VPS13D: variants seen among roughly 807,000 people sequenced by gnomAD.
VPS13D encodes the protein vacuolar protein sorting 13 homolog D.
VPS13D carries 187 observed loss-of-function variants against 461.9 expected under a neutral mutation model. The observed-to-expected ratio is 0.40, with a 90% CI of 0.36 to 0.46. The LOEUF (loss-of-function observed/expected upper bound fraction) is 0.46, where lower values mean the gene tolerates loss of function less well. Ranked by LOEUF, VPS13D falls within the 20% of genes least tolerant of loss-of-function variation. The probability of loss-of-function intolerance (pLI) is 0.60; values close to 1 mark genes in which losing one functional copy is unlikely to be tolerated. For synonymous variants in VPS13D, 1,951 were observed against 1,986.3 expected, an observed-to-expected ratio of 0.98 and a Z score of 0.47; for missense variants, 4,711 against 5,364.9, an observed-to-expected ratio of 0.88 and a Z score of 3.81.
chr1:12,230,608 G>A (rs1465387844), intron 1 of VPS13D, among the ~76,000 whole-genome samples: 1 of 152,078 alleles, frequency 6.6e-6, no homozygotes, highest in Non-Finnish European at 1.5e-5. Context: ...CAGTTCTCTA[G>A]AATGCCTTAG....
chr1:12,319,466 C>G (rs1642975674), intron 31 of VPS13D, 31 bp from the exon 32 acceptor site: 1 of 1,613,142 alleles, frequency 6.2e-7, no homozygotes, highest in Non-Finnish European at 8.5e-7. Context: ...CTTCCCAGCT[C>G]TGGCTTGATT....
chr1:12,320,732 T>G (rs1643013425), intron 32 of VPS13D, among the ~76,000 whole-genome samples: 1 of 152,204 alleles, frequency 6.6e-6, no homozygotes, highest in Admixed American at 6.5e-5. Context: ...TCAGGTACAA[T>G]TGGGTTTTGT....
chr1:12,504,840 C>T lies in VPS13D; in HGVS notation c.12795-2013C>T, dbSNP rs569596044. ...AGGATGGAAAGCACACTAGTCATGTCGGCCACTCTGGCCTGGGTGTGAGAG... is the reference window on the plus strand; with the variant it reads ...AGGATGGAAAGCACACTAGTCATGTTGGCCACTCTGGCCTGGGTGTGAGAG... On this transcript the variant is annotated intron_variant, in intron 68 of 69. Coordinates refer to ENST00000620676, the MANE Select transcript of VPS13D (RefSeq NM_015378.4). 3.9e-5 allele frequency among the ~76,000 whole-genome samples: 6 copies of T among 152,274 alleles called. No individual in the cohort carries two copies. The East Asian group carries it at 5.8e-4, about 15-fold the overall frequency.
At chr1:12,320,618 G>T (rs1226710042) in intron 32 of VPS13D, among the ~76,000 whole-genome samples, 1 of 152,190 alleles carries the variant, frequency 6.6e-6, no homozygotes, top group Admixed American at 6.5e-5. Context: ...GGATTTGCAT[G>T]CTGGTGTGAT....
chr1:12,415,013 G>A (rs1644776128), intron 63 of VPS13D, 74 bp from the exon 64 acceptor site: 1 of 1,540,394 alleles, frequency 6.5e-7, no homozygotes. Flanking sequence ...TAGCTTTAAT[G>A]GAATCTAGAA....
chr1:12,265,681 T>C (rs951534805), intron 13 of VPS13D, among the ~76,000 whole-genome samples: 9 of 152,184 alleles, frequency 5.9e-5, no homozygotes, highest in African/African-American at 1.9e-4. Context: ...AGGAAGTAAC[T>C]GCAAATGTGG....
Position 12,497,644 on chromosome 1 carries a change from A to G in VPS13D, c.12794+13A>G, listed in dbSNP as rs775836294. 16 of 1,608,800 alleles carry G rather than the reference A, an allele frequency of 9.9e-6. No individual in the cohort carries two copies. In the Admixed American group the frequency reaches 1.0e-4, roughly 10 times the overall value. On this transcript the variant is annotated intron_variant, in intron 68 of 69. Transcript: ENST00000620676. ...TACAGGACGAATTGTAAGTTAGAGC[A>G]TGGGAAACCAGCCCTGTGGGTCTAC...
chr1:12,435,453 C>A (rs193112208), intron 65 of VPS13D, among the ~76,000 whole-genome samples: 3 of 152,142 alleles, frequency 2.0e-5, no homozygotes, highest in Admixed American at 2.0e-4. Context: ...AGAGCAGGAC[C>A]CTGTCTGAAC....
chr1:12,478,863 C>T (rs1557464929), intron 67 of VPS13D: 9 of 455,920 alleles, frequency 2.0e-5, no homozygotes, highest in Admixed American at 7.0e-5. Flanking sequence ...GAGGCCGCAT[C>T]GGTGGCAGAG....
chr1:12,317,253 T>G (rs1444625632), intron 30 of VPS13D, among the ~76,000 whole-genome samples: 19 of 152,178 alleles, frequency 1.2e-4, no homozygotes, highest in Non-Finnish European at 8.8e-5. Context: ...ATCAAATGAC[T>G]GCTTTGTGCC....
intron 61 of VPS13D, among the ~76,000 whole-genome samples, chr1:12,401,367 A>G (rs1259448103): frequency 6.6e-6 from 1 of 152,212 alleles, no homozygotes; most frequent in Non-Finnish European, 1.5e-5. Context: ...AATCCTGACT[A>G]ATGAGGCCCA....
chr1:12,276,354 G>A lies in VPS13D; in HGVS notation c.2766G>A (p.Glu922=). Residue 922 remains glutamate (E), a synonymous_variant, in exon 19 of 70, where the codon GAG becomes GAA. Transcript: ENST00000620676. The surrounding 1 kb of genome is among the most constrained non-coding windows in gnomAD (Gnocchi z 4.5). ...AAGAAAAGATTTTTCCCCAGGAGGA[G>A]CAGCGGGGAAGTTTGCAAGACTCCG... is the stretch of plus-strand genomic sequence containing the variant. ...QIKEKIFPQE[E]QRGSLQDSVM... The A allele has an allele frequency of 6.2e-7, 1 of 1,614,188 alleles. No homozygotes were observed. The highest frequency in any genetic ancestry group is 1.6e-4 in the Middle Eastern group (1 of 6,062).
chr1:12,507,114 A>G lies in VPS13D; in HGVS notation c.13035+21A>G. The G allele has an allele frequency of 6.2e-7, 1 of 1,613,376 alleles. No homozygotes were observed. Among genetic ancestry groups the G allele is most frequent in the Non-Finnish European group, 8.5e-7 (1 of 1,179,548 alleles). The stretch of plus-strand genomic sequence containing the variant: ...CCATGGTGAGTGCCTGGCTGTTCTC[A>G]GGCTCCTGAGGGGCGGGGCCAGGGC... On this transcript the variant is annotated intron_variant, in intron 69 of 69. Coordinates refer to ENST00000620676, the MANE Select transcript of VPS13D (RefSeq NM_015378.4). This position sits in a 1 kb window ranked among gnomAD's most constrained non-coding sequence, Gnocchi z 5.3.
At chr1:12,284,271 T>G (rs1641899351) in intron 21 of VPS13D, among the ~76,000 whole-genome samples, 1 of 152,236 alleles carries the variant, frequency 6.6e-6, no homozygotes. Flanking sequence ...GCAAACCACT[T>G]GGCCTCTTTT....
chr1:12,508,970 G>A lies in VPS13D; in HGVS notation c.13113G>A (p.Gln4371=). 1 of 1,614,220 alleles carries A rather than the reference G, an allele frequency of 6.2e-7. No homozygotes were observed. Among genetic ancestry groups the A allele is most frequent in the Non-Finnish European group, 8.5e-7 (1 of 1,180,034 alleles). The change falls in exon 70 of 70, where the codon CAG becomes CAA. Residue 4371 remains glutamine (Q), a synonymous_variant. Coordinates refer to ENST00000620676, the MANE Select transcript of VPS13D (RefSeq NM_015378.4). ...INYAKSLYYE[Q]QLMLRLSENR... is the part of the protein sequence containing the mutation. Reference sequence around the variant, plus strand: ...ACGCAAAGAGCCTCTACTATGAACAGCAGCTTATGTTAAGACTCAGCGAAA... The same window carrying A: ...ACGCAAAGAGCCTCTACTATGAACAACAGCTTATGTTAAGACTCAGCGAAA...
chr1:12,243,654 G>A (rs1291978931), intron 3 of VPS13D, among the ~76,000 whole-genome samples: 1 of 152,140 alleles, frequency 6.6e-6, no homozygotes, highest in Non-Finnish European at 1.5e-5. Context: ...TTGTATTCTA[G>A]GAGGCTTGGC....
intron 63 of VPS13D, among the ~76,000 whole-genome samples, chr1:12,412,439 G>A (rs770234430): frequency 1.3e-5 from 2 of 152,226 alleles, no homozygotes; most frequent in Non-Finnish European, 2.9e-5. Context: ...TTAAGACAGT[G>A]TGGCATTAGT....
chr1:12,241,939 A>AT (rs1340418883), intron 2 of VPS13D, among the ~76,000 whole-genome samples: 3 of 152,014 alleles, frequency 2.0e-5, no homozygotes, highest in African/African-American at 7.3e-5. Flanking sequence ...AGGAGCCTGC[A>AT]TTTCATCCTA....
chr1:12,383,219 A>G, intron 58 of VPS13D, 64 bp downstream of exon 58: 2 of 1,465,700 alleles, frequency 1.4e-6, no homozygotes, highest in Non-Finnish European at 1.8e-6. Flanking sequence ...ATGATTACTC[A>G]TTTAACAAAT....
Sources: gnomAD v4.1 joint callset for allele counts (sites outside exome capture counted in the v4.1 genomes callset) on GRCh38, gnomAD v4.1.1 for gene constraint, Gnocchi (gnomAD v3.1) non-coding constraint, MANE v1.5 for transcripts, NCBI Gene and HGNC (gene_info 2026-07-23, HGNC 2026-07-21) for gene names.